Variants in MACROD2 observed in about 807,000 individuals in gnomAD.
The protein encoded by MACROD2 is mono-ADP ribosylhydrolase 2.
MACROD2 carries 36 observed loss-of-function variants against 70.4 expected under a neutral mutation model. The observed-to-expected ratio is 0.51, with a 90% CI of 0.39 to 0.68. The LOEUF is 0.68. Among genes scored for constraint, MACROD2 ranks in the 30% least tolerant of loss-of-function variants. The probability of loss-of-function intolerance (pLI) is 0.00; values close to 1 mark genes in which losing one functional copy is unlikely to be tolerated. For missense variants in MACROD2, 496 were observed against 538.4 expected (o/e 0.92, Z 0.78); for synonymous variants, 172 against 178.8 (o/e 0.96, Z 0.30).
At chr20:15,534,009 A>T (rs1173910389) in intron 8 of MACROD2, among the ~76,000 whole-genome samples, 1 of 152,114 alleles carries the variant, frequency 6.6e-6, no homozygotes, top group East Asian at 1.9e-4. Flanking sequence ...TTTTTTCCCA[A>T]CTGTACAGAT....
chr20:15,007,362 T>A (rs2075046773), intron 5 of MACROD2, among the ~76,000 whole-genome samples: 1 of 149,040 alleles, frequency 6.7e-6, no homozygotes, highest in African/African-American at 2.5e-5. Context: ...AGACTCCATC[T>A]CAAAAACAAA....
chr20:14,502,776 T>C (rs1309794701), intron 4 of MACROD2, among the ~76,000 whole-genome samples: 1 of 152,154 alleles, frequency 6.6e-6, no homozygotes, highest in African/African-American at 2.4e-5. Flanking sequence ...GTAGAAGAGT[T>C]TGTTTTACAA....
intron 13 of MACROD2, among the ~76,000 whole-genome samples, chr20:15,975,178 T>C (rs2066287695): frequency 2.0e-5 from 3 of 152,062 alleles, no homozygotes; most frequent in Admixed American, 2.0e-4. Context: ...TATAAATAAA[T>C]GCAAATAAAA....
intron 3 of MACROD2, among the ~76,000 whole-genome samples, chr20:14,250,890 G>T (rs568275526): frequency 1.3e-5 from 2 of 152,014 alleles, no homozygotes; most frequent in Non-Finnish European, 2.9e-5. Context: ...GCCAGTAATT[G>T]CATTGCTATT....
intron 5 of MACROD2, among the ~76,000 whole-genome samples, chr20:14,972,051 A>G (rs1438998581): frequency 1.3e-5 from 2 of 152,242 alleles, no homozygotes; most frequent in Non-Finnish European, 2.9e-5. Context: ...AACCTTACCA[A>G]GTACTCCTCT....
intron 5 of MACROD2, among the ~76,000 whole-genome samples, chr20:14,929,936 C>A (rs547471670): frequency 6.6e-6 from 1 of 151,868 alleles, no homozygotes; most frequent in African/African-American, 2.4e-5. Flanking sequence ...CCGACACAGG[C>A]GGATCATGAG....
At chr20:15,361,218 T>G (rs2078347988) in intron 6 of MACROD2, among the ~76,000 whole-genome samples, 1 of 152,220 alleles carries the variant, frequency 6.6e-6, no homozygotes, top group South Asian at 2.1e-4. Context: ...TACAATCTAT[T>G]TGAGTTCACT....
chr20:14,999,279 C>T (rs1253938713), intron 5 of MACROD2, among the ~76,000 whole-genome samples: 1 of 152,174 alleles, frequency 6.6e-6, no homozygotes, highest in Non-Finnish European at 1.5e-5. Context: ...GGTGTGTAAA[C>T]TACTCATCTT....
intron 6 of MACROD2, among the ~76,000 whole-genome samples, chr20:15,367,607 A>T (rs2045429605): frequency 6.6e-6 from 1 of 152,142 alleles, no homozygotes; most frequent in African/African-American, 2.4e-5. Flanking sequence ...GGATCTTCTA[A>T]GTATAGAAGG....
At chr20:15,696,678 G>GTTTTT (rs374403186) in intron 8 of MACROD2, among the ~76,000 whole-genome samples, 2,526 of 88,116 alleles carry the variant, frequency 0.029, 32 homozygotes, top group East Asian at 0.11. Flanking sequence ...TAGTCCTGGA[G>GTTTTT]TTTTTTTTTT....
At chr20:16,019,644 C>T (rs1165527359) in intron 15 of MACROD2, among the ~76,000 whole-genome samples, 1 of 152,160 alleles carries the variant, frequency 6.6e-6, no homozygotes, top group Admixed American at 6.5e-5. Flanking sequence ...CTTCAGTAAC[C>T]ACAATGTGGT....
At chr20:14,029,294 TA>T (rs2053219001) in intron 2 of MACROD2, among the ~76,000 whole-genome samples, 1 of 152,156 alleles carries the variant, frequency 6.6e-6, no homozygotes, top group African/African-American at 2.4e-5. Flanking sequence ...GTTAACATGT[TA>T]GGGGAAAAAA....
intron 4 of MACROD2, among the ~76,000 whole-genome samples, chr20:14,656,516 A>T (rs756213482): frequency 3.5e-4 from 53 of 152,170 alleles, no homozygotes; most frequent in Non-Finnish European, 5.0e-4. Context: ...TCTCTCTATG[A>T]TATAGGTTAG....
At chr20:14,496,996 C>T (rs964674560) in intron 4 of MACROD2, among the ~76,000 whole-genome samples, 1 of 151,694 alleles carries the variant, frequency 6.6e-6, no homozygotes, top group Non-Finnish European at 1.5e-5. Context: ...AATGAGAAGA[C>T]AGCGTTCTTG....
At chr20:14,705,690 A>G (rs1268903751) in intron 5 of MACROD2, among the ~76,000 whole-genome samples, 1 of 152,216 alleles carries the variant, frequency 6.6e-6, no homozygotes, top group Non-Finnish European at 1.5e-5. Flanking sequence ...ATGTGTTGGG[A>G]AGTAGAAGTT....
At chr20:15,376,874 T>C (rs987520182) in intron 6 of MACROD2, among the ~76,000 whole-genome samples, 16 of 152,146 alleles carry the variant, frequency 1.1e-4, no homozygotes, top group African/African-American at 3.9e-4. Context: ...AGTTTTATTT[T>C]AATGTTCTAT....
intron 6 of MACROD2, among the ~76,000 whole-genome samples, chr20:15,240,766 A>T (rs1017633975): frequency 6.6e-6 from 1 of 152,096 alleles, no homozygotes; most frequent in African/African-American, 2.4e-5. Context: ...GTTGATAAGG[A>T]TGGGGCCCTG....
intron 6 of MACROD2, among the ~76,000 whole-genome samples, chr20:15,324,897 T>A (rs566792491): frequency 1.3e-5 from 2 of 152,308 alleles, no homozygotes; most frequent in East Asian, 3.9e-4. Flanking sequence ...TTTACAAGTT[T>A]GCATAACTTG....
At chr20:15,605,878 ATATTTC>A (rs573352167) in intron 8 of MACROD2, among the ~76,000 whole-genome samples, 222 of 152,244 alleles carry the variant, frequency 1.5e-3, no homozygotes, top group Non-Finnish European at 2.6e-3. Context: ...AAGGGATCTT[ATATTTC>A]TATTTCTAAG....
Sources: gnomAD v4.1 joint callset for allele counts (sites outside exome capture counted in the v4.1 genomes callset) on GRCh38, gnomAD v4.1.1 for gene constraint, MANE v1.5 for transcripts, NCBI Gene and HGNC (gene_info 2026-07-23, HGNC 2026-07-21) for gene names.